GRID2: variants seen among roughly 807,000 people sequenced by gnomAD.
GRID2 encodes glutamate receptor ionotropic, delta-2.
GRID2 carries 33 observed loss-of-function variants against 114.8 expected under a neutral mutation model. That is an observed-to-expected ratio of 0.29 (90% CI 0.22 to 0.38). The LOEUF (loss-of-function observed/expected upper bound fraction) is 0.38. Among genes scored for constraint, GRID2 ranks in the 10% least tolerant of loss-of-function variants. The pLI is 1.00. For synonymous variants in GRID2, 505 were observed against 449.9 expected, an observed-to-expected ratio of 1.12 and a Z score of -1.55; for missense variants, 1,184 against 1,257.7, an observed-to-expected ratio of 0.94 and a Z score of 0.89.
chr4:92,502,173 T>A (rs1299441384), intron 1 of GRID2, among the ~76,000 whole-genome samples: 1 of 152,126 alleles, frequency 6.6e-6, no homozygotes, highest in African/African-American at 2.4e-5. Flanking sequence ...TATTTTAATT[T>A]TTTTAACATA....
chr4:92,879,886 C>T (rs533010910), intron 2 of GRID2, among the ~76,000 whole-genome samples: 7 of 152,158 alleles, frequency 4.6e-5, no homozygotes, highest in Admixed American at 1.3e-4. Flanking sequence ...GCTTTTGAAT[C>T]TCATAGTGCT....
intron 14 of GRID2, among the ~76,000 whole-genome samples, chr4:93,718,805 T>C (rs1251307170): frequency 6.6e-6 from 1 of 152,074 alleles, no homozygotes; most frequent in Non-Finnish European, 1.5e-5. Flanking sequence ...TGATAATAAC[T>C]AGTTGTAAGA....
chr4:92,438,973 G>A (rs1318897315), intron 1 of GRID2, among the ~76,000 whole-genome samples: 1 of 152,112 alleles, frequency 6.6e-6, no homozygotes, highest in Non-Finnish European at 1.5e-5. Context: ...TCCCTGTGAA[G>A]AGACCACCAA....
At chr4:93,539,911 C>T (rs1732482695) in intron 13 of GRID2, among the ~76,000 whole-genome samples, 1 of 151,878 alleles carries the variant, frequency 6.6e-6, no homozygotes, top group African/African-American at 2.4e-5. Context: ...GTGCTGGGCA[C>T]CTGAGAGGCC....
intron 2 of GRID2, among the ~76,000 whole-genome samples, chr4:92,649,946 T>A (rs1252536503): frequency 1.3e-5 from 2 of 151,994 alleles, no homozygotes; most frequent in African/African-American, 4.8e-5. Flanking sequence ...ACGTTCAACT[T>A]ACAAAGGGTT....
At position 92,345,631 on chromosome 4, in the gene GRID2, A is replaced by G. The variant is rs148580175; in HGVS notation, c.88+40887A>G. ...GAAAATCATCTCAGCTTTCTAAGTC[A>G]TAAATGATATTATGGTAAAGACAAT... On this transcript the variant is annotated intron_variant, in intron 1 of 15. Transcript: ENST00000282020. Among the ~76,000 whole-genome samples, 8 of 152,354 alleles carry G rather than the reference A, an allele frequency of 5.3e-5. No homozygotes were observed. The South Asian group carries it at 8.3e-4, about 16-fold the overall frequency.
chr4:92,507,672 T>C (rs1724045915), intron 1 of GRID2, among the ~76,000 whole-genome samples: 2 of 151,992 alleles, frequency 1.3e-5, no homozygotes, highest in South Asian at 2.1e-4. Flanking sequence ...AATATCTTTT[T>C]TTCAGTTTTT....
At chr4:92,408,661 A>G (rs1217803775) in intron 1 of GRID2, among the ~76,000 whole-genome samples, 1 of 150,908 alleles carries the variant, frequency 6.6e-6, no homozygotes. Context: ...TTTCAACAGT[A>G]TTTTGTAGTT....
chr4:93,146,822 G>C (rs1356673208), intron 4 of GRID2, among the ~76,000 whole-genome samples: 5 of 152,050 alleles, frequency 3.3e-5, no homozygotes, highest in Admixed American at 6.6e-5. Flanking sequence ...CATTCAATAT[G>C]TTTCATTTGT....
chr4:93,603,385 G>A (rs925243130), intron 13 of GRID2, among the ~76,000 whole-genome samples: 1 of 152,128 alleles, frequency 6.6e-6, no homozygotes, highest in Admixed American at 6.5e-5. Context: ...ACCTCTATGA[G>A]AAACATGAGA....
chr4:92,806,044 A>T (rs956990516), intron 2 of GRID2, among the ~76,000 whole-genome samples: 5 of 151,962 alleles, frequency 3.3e-5, no homozygotes, highest in African/African-American at 1.2e-4. Flanking sequence ...ATTCTAAATT[A>T]TCTGAAACAA....
At chr4:92,644,804 CAAAT>C (rs1472771146) in intron 2 of GRID2, among the ~76,000 whole-genome samples, 4 of 151,354 alleles carry the variant, frequency 2.6e-5, no homozygotes, top group South Asian at 2.1e-4. Flanking sequence ...TATTAGAAGA[CAAAT>C]AAATGTTTAT....
chr4:92,931,215 C>G (rs912084676), intron 2 of GRID2, among the ~76,000 whole-genome samples: 1 of 150,760 alleles, frequency 6.6e-6, no homozygotes, highest in Non-Finnish European at 1.5e-5. Context: ...AATCAACTCA[C>G]TAATTCACCA....
chr4:92,357,607 A>G (rs932365154), intron 1 of GRID2, among the ~76,000 whole-genome samples: 1 of 151,848 alleles, frequency 6.6e-6, no homozygotes, highest in Non-Finnish European at 1.5e-5. Flanking sequence ...TCACATTATT[A>G]GTTAAATAAA....
At chr4:92,515,831 T>A (rs1724473912) in intron 1 of GRID2, among the ~76,000 whole-genome samples, 1 of 151,928 alleles carries the variant, frequency 6.6e-6, no homozygotes, top group African/African-American at 2.4e-5. Context: ...GTTACCTACA[T>A]TTTGTGACTT....
intron 13 of GRID2, among the ~76,000 whole-genome samples, chr4:93,610,797 C>G (rs559927630): frequency 6.3e-5 from 6 of 95,246 alleles, no homozygotes; most frequent in African/African-American, 1.5e-4. Context: ...TGTCTCTGCC[C>G]GGCTTTGGTA....
intron 2 of GRID2, among the ~76,000 whole-genome samples, chr4:92,969,354 GA>G (rs1192141486): frequency 6.6e-6 from 1 of 151,678 alleles, no homozygotes; most frequent in East Asian, 1.9e-4. Context: ...ATTAGATGCT[GA>G]AAAATGTGGA....
intron 1 of GRID2, among the ~76,000 whole-genome samples, chr4:92,408,430 T>C (rs1369653698): frequency 1.7e-5 from 2 of 114,704 alleles, no homozygotes; most frequent in East Asian, 4.8e-4. Context: ...CTATTCAAGC[T>C]CTTTTTTTTT....
intron 13 of GRID2, among the ~76,000 whole-genome samples, chr4:93,549,394 A>C (rs1371871302): frequency 1.3e-5 from 2 of 152,238 alleles, no homozygotes; most frequent in Non-Finnish European, 1.5e-5. Context: ...TAAGAATGAA[A>C]AAACAGAATC....
Sources: gnomAD v4.1 joint callset for allele counts (sites outside exome capture counted in the v4.1 genomes callset) on GRCh38, gnomAD v4.1.1 for gene constraint, MANE v1.5 for transcripts, NCBI Gene and HGNC (gene_info 2026-07-23, HGNC 2026-07-21) for gene names.